The following PTPRM variants were observed in gnomAD, a reference collection of about 807,000 sequenced individuals.
PTPRM encodes protein tyrosine phosphatase receptor type M.
PTPRM carries 47 observed loss-of-function variants against 186.7 expected under a neutral mutation model. The observed-to-expected ratio is 0.25, with a 90% CI of 0.20 to 0.32. The LOEUF is 0.32. Ranked by LOEUF, PTPRM falls within the 10% of genes least tolerant of loss-of-function variation. PTPRM has a pLI of 1.00. For synonymous variants in PTPRM, 668 were observed against 674.9 expected, an observed-to-expected ratio of 0.99 and a Z score of 0.16; for missense variants, 1,494 against 1,865.0, an observed-to-expected ratio of 0.80 and a Z score of 3.66.
chr18:7,779,208 G>T (rs1368581800), intron 2 of PTPRM, among the ~76,000 whole-genome samples: 5 of 152,178 alleles, frequency 3.3e-5, no homozygotes, highest in Admixed American at 3.3e-4. Context: ...CTTACCTCTA[G>T]AAAGGCTGTA....
At chr18:7,709,995 C>T (rs117934521) in intron 1 of PTPRM, among the ~76,000 whole-genome samples, 129 of 152,250 alleles carry the variant, frequency 8.5e-4, no homozygotes, top group Middle Eastern at 3.4e-3. Context: ...GGTATCAGTC[C>T]TACTGAAACT....
chr18:8,371,436 C>A (rs545204370), intron 24 of PTPRM, among the ~76,000 whole-genome samples: 1 of 152,276 alleles, frequency 6.6e-6, no homozygotes, highest in South Asian at 2.1e-4. Flanking sequence ...CTAACTCCTC[C>A]TGGAATCTCT....
At chr18:8,312,493 T>G (rs1042677423) in intron 20 of PTPRM, among the ~76,000 whole-genome samples, 7 of 152,110 alleles carry the variant, frequency 4.6e-5, no homozygotes, top group African/African-American at 1.7e-4. Context: ...AATGTGGCTG[T>G]CCATTACATA....
intron 14 of PTPRM, among the ~76,000 whole-genome samples, chr18:8,165,854 C>A (rs1442897709): frequency 6.6e-6 from 1 of 152,150 alleles, no homozygotes; most frequent in African/African-American, 2.4e-5. Context: ...GCAGTTCCCC[C>A]CTTATGGGCT....
chr18:8,004,434 C>T (rs765125881), intron 7 of PTPRM, among the ~76,000 whole-genome samples: 31 of 151,160 alleles, frequency 2.1e-4, no homozygotes, highest in Admixed American at 3.3e-4. Flanking sequence ...CATATTTTGA[C>T]TGGCTGTTTG....
chr18:7,809,974 C>T (rs1275917210), intron 2 of PTPRM, among the ~76,000 whole-genome samples: 1 of 152,160 alleles, frequency 6.6e-6, no homozygotes, highest in African/African-American at 2.4e-5. Flanking sequence ...TCTTTGACAA[C>T]AGATTGTCCA....
intron 22 of PTPRM, among the ~76,000 whole-genome samples, chr18:8,340,930 T>C (rs2095470558): frequency 6.6e-6 from 1 of 152,134 alleles, no homozygotes. Flanking sequence ...TTGCCTCCCG[T>C]AGAGAACAGT....
intron 2 of PTPRM, among the ~76,000 whole-genome samples, chr18:7,794,408 A>T (rs1224055349): frequency 6.6e-6 from 1 of 152,056 alleles, no homozygotes; most frequent in African/African-American, 2.4e-5. Context: ...GAAGAAGTGA[A>T]CTACTCCCCC....
intron 7 of PTPRM, among the ~76,000 whole-genome samples, chr18:8,056,657 C>T (rs886453433): frequency 6.6e-6 from 1 of 151,288 alleles, no homozygotes; most frequent in Admixed American, 6.6e-5. Context: ...GCACATTAGA[C>T]TTTGCTTATT....
chr18:8,027,813 A>C (rs1309217212), intron 7 of PTPRM, among the ~76,000 whole-genome samples: 1 of 152,202 alleles, frequency 6.6e-6, no homozygotes, highest in Non-Finnish European at 1.5e-5. Context: ...TTTTAAAAAA[A>C]TTGCAAATAA....
intron 7 of PTPRM, among the ~76,000 whole-genome samples, chr18:7,986,914 C>T (rs2082993143): frequency 6.6e-6 from 1 of 152,108 alleles, no homozygotes; most frequent in Non-Finnish European, 1.5e-5. Context: ...AGGCATTGTA[C>T]AGAGAGAAGA....
intron 14 of PTPRM, among the ~76,000 whole-genome samples, chr18:8,215,087 A>G (rs1261890955): frequency 1.3e-5 from 2 of 152,178 alleles, no homozygotes; most frequent in Non-Finnish European, 2.9e-5. Flanking sequence ...TACCTTCCCT[A>G]CATCCAGAAC....
chr18:8,388,713 G>A lies in PTPRM; in HGVS notation c.4208+1478G>A, dbSNP rs182397144. Among the ~76,000 whole-genome samples the A allele has an allele frequency of 2.9e-3, 446 of 152,240 alleles. 2 individuals are homozygous for A. The highest frequency in any genetic ancestry group is 0.01 in the African/African-American group (430 of 41,536). On this transcript the variant is annotated intron_variant, in intron 31 of 32. Coordinates refer to ENST00000580170, the MANE Select transcript of PTPRM (RefSeq NM_001105244.2). ...GCAGTGGCTCACGCCTGTAATCCCAGCACTTTGGGAGACCAAGGCAGGTGG... is the reference window on the plus strand; with the variant it reads ...GCAGTGGCTCACGCCTGTAATCCCAACACTTTGGGAGACCAAGGCAGGTGG...
At chr18:7,994,160 T>C (rs2083409150) in intron 7 of PTPRM, among the ~76,000 whole-genome samples, 3 of 152,122 alleles carry the variant, frequency 2.0e-5, no homozygotes, top group East Asian at 1.9e-4. Context: ...AAGTCTTCAG[T>C]AGTTACTATA....
rs754107358 is a variant in PTPRM, at chr18:8,253,272, C to T, written c.2612C>T (p.Ser871Phe). Residue 871 changes from serine (S) to phenylalanine (F), a missense_variant, in exon 19 of 33, where the codon TCC (serine) becomes TTC (phenylalanine). By Grantham distance (155) the Ser-to-Phe change is radical (BLOSUM62 -2). Transcript: ENST00000580170. ...AGCGATACCAGCAGCCTGGTGCAGT[C>T]CCATACTTACAAGAAGCGAGAGCCG... ...MASDTSSLVQ[S>F]HTYKKREPAD... 1.3e-6 allele frequency: 2 copies of T among 1,591,154 alleles called. No homozygotes were observed. Among genetic ancestry groups the T allele is most frequent in the Admixed American group, 1.7e-5 (1 of 57,232 alleles).
chr18:7,881,632 T>TGTGA (rs1416125860), intron 2 of PTPRM, among the ~76,000 whole-genome samples: 5 of 152,162 alleles, frequency 3.3e-5, no homozygotes, highest in African/African-American at 9.6e-5. Flanking sequence ...GCTTCATTGT[T>TGTGA]GTGAGGATTT....
chr18:7,642,238 T>C (rs1234552255), intron 1 of PTPRM, among the ~76,000 whole-genome samples: 1 of 152,176 alleles, frequency 6.6e-6, no homozygotes, highest in Non-Finnish European at 1.5e-5. Context: ...TCCAGTTTTT[T>C]TCCTGGGAAA....
intron 1 of PTPRM, among the ~76,000 whole-genome samples, chr18:7,708,010 AT>A (rs1430262736): frequency 6.6e-6 from 1 of 152,262 alleles, no homozygotes; most frequent in Non-Finnish European, 1.5e-5. Flanking sequence ...GCACTAGAAT[AT>A]TGCAGAATAT....
intron 1 of PTPRM, among the ~76,000 whole-genome samples, chr18:7,763,782 T>A (rs1422193488): frequency 6.6e-6 from 1 of 152,212 alleles, no homozygotes; most frequent in Non-Finnish European, 1.5e-5. Flanking sequence ...AATAGTTGGC[T>A]GTCTGTTTTA....
Sources: gnomAD v4.1 joint callset for allele counts (sites outside exome capture counted in the v4.1 genomes callset) on GRCh38, gnomAD v4.1.1 for gene constraint, MANE v1.5 for transcripts, NCBI Gene and HGNC (gene_info 2026-07-23, HGNC 2026-07-21) for gene names.